NUDT3: variants seen among roughly 807,000 people sequenced by gnomAD.
NUDT3 encodes the protein diphosphoinositol polyphosphate phosphohydrolase 1.
A neutral mutation model predicts 23.6 loss-of-function variants in NUDT3; 9 were observed. That is an observed-to-expected ratio of 0.38 (90% CI 0.23 to 0.66). The LOEUF (loss-of-function observed/expected upper bound fraction) is 0.66. Among genes scored for constraint, NUDT3 ranks in the 30% least tolerant of loss-of-function variants. The probability of loss-of-function intolerance (pLI) is 0.52; values close to 1 mark genes in which losing one functional copy is unlikely to be tolerated. For missense variants in NUDT3, 172 were observed against 218.5 expected (o/e 0.79, Z 1.34); for synonymous variants, 86 against 82.6 (o/e 1.04, Z -0.22).
At chr6:34,313,186 C>A (rs1156357037) in intron 2 of NUDT3, among the ~76,000 whole-genome samples, 2 of 151,568 alleles carry the variant, frequency 1.3e-5, no homozygotes, top group Non-Finnish European at 2.9e-5. Flanking sequence ...GAAAAAAAAA[C>A]CAGAAAAATA....
At chr6:34,326,557 G>T (rs1188915178) in intron 2 of NUDT3, among the ~76,000 whole-genome samples, 1 of 151,570 alleles carries the variant, frequency 6.6e-6, no homozygotes, top group Non-Finnish European at 1.5e-5. Flanking sequence ...CAAATTAGTT[G>T]CCCACATTGA....
At chr6:34,388,810 G>GT (rs531069738) in intron 1 of NUDT3, among the ~76,000 whole-genome samples, 151 of 152,200 alleles carry the variant, frequency 9.9e-4, no homozygotes, top group South Asian at 5.2e-3. Context: ...TAAAATGGAC[G>GT]TATTTCACTC....
intron 2 of NUDT3, among the ~76,000 whole-genome samples, chr6:34,314,575 A>T (rs948092330): frequency 5.9e-5 from 9 of 151,604 alleles, no homozygotes; most frequent in Non-Finnish European, 1.2e-4. Flanking sequence ...AAAAAAAAAA[A>T]TTAAACCCTA....
intron 1 of NUDT3, 42 bp from the exon 2 acceptor site, chr6:34,342,014 A>G (rs760263828): frequency 1.3e-6 from 2 of 1,568,694 alleles, no homozygotes; most frequent in African/African-American, 2.7e-5. Flanking sequence ...TAAAAATTCA[A>G]AGACACATCC....
chr6:34,314,663 C>T (rs1763831921), intron 2 of NUDT3, among the ~76,000 whole-genome samples: 1 of 151,990 alleles, frequency 6.6e-6, no homozygotes, highest in Admixed American at 6.6e-5. Context: ...TAACTAGCAT[C>T]CTCCTAACAA....
At chr6:34,334,594 G>A (rs921037100) in intron 2 of NUDT3, among the ~76,000 whole-genome samples, 3 of 151,570 alleles carry the variant, frequency 2.0e-5, no homozygotes, top group South Asian at 2.1e-4. Flanking sequence ...AGCCAAGATC[G>A]TGCACTCCAG....
chr6:34,367,418 G>A (rs1764754378), intron 1 of NUDT3, among the ~76,000 whole-genome samples: 2 of 151,576 alleles, frequency 1.3e-5, no homozygotes, highest in Non-Finnish European at 2.9e-5. Context: ...GGAGGCGGAG[G>A]TTGCAGCGAG....
At chr6:34,370,922 G>C (rs1718592152) in intron 1 of NUDT3, among the ~76,000 whole-genome samples, 1 of 151,190 alleles carries the variant, frequency 6.6e-6, no homozygotes, top group African/African-American at 2.4e-5. Flanking sequence ...TAACCAACAT[G>C]GTGAAACTAA....
chr6:34,343,732 CAA>C (rs1764323480), intron 1 of NUDT3, among the ~76,000 whole-genome samples: 4 of 151,880 alleles, frequency 2.6e-5, no homozygotes, highest in Non-Finnish European at 5.9e-5. Flanking sequence ...AAAGGGCAAA[CAA>C]GATAAACTGG....
At chr6:34,331,237 G>C (rs1400546959) in intron 2 of NUDT3, among the ~76,000 whole-genome samples, 2 of 151,838 alleles carry the variant, frequency 1.3e-5, no homozygotes, top group African/African-American at 4.8e-5. Flanking sequence ...GGTGCCATTA[G>C]GAAGGCAACC....
rs552823860 is a variant in NUDT3, at chr6:34,364,511, A to AAAC, written c.100-22542_100-22540dup. On this transcript the variant is annotated intron_variant, in intron 1 of 4. Transcript: ENST00000607016. The stretch of plus-strand genomic sequence containing the variant: ...TGGCCTGCCATGGCCTAGGATATTA[A>AAAC]AACAACAACAACAACAACAACGGAA... Among the ~76,000 whole-genome samples the AAAC allele has an allele frequency of 4.3e-3, 654 of 152,220 alleles. 8 individuals carry two copies. The highest frequency in any genetic ancestry group is 0.014 in the African/African-American group (575 of 41,538).
intron 1 of NUDT3, among the ~76,000 whole-genome samples, chr6:34,347,268 T>TC (rs1764388682): frequency 1.3e-5 from 2 of 152,244 alleles, no homozygotes; most frequent in Non-Finnish European, 2.9e-5. Context: ...CAACAAACGT[T>TC]CATTAAGTAA....
chr6:34,329,304 A>C (rs775433348), intron 2 of NUDT3, among the ~76,000 whole-genome samples: 1 of 151,970 alleles, frequency 6.6e-6, no homozygotes, highest in Non-Finnish European at 1.5e-5. Context: ...TTTTGAGATG[A>C]AGTCTCGCTC....
chr6:34,354,672 G>A (rs1764532122), intron 1 of NUDT3, among the ~76,000 whole-genome samples: 2 of 149,900 alleles, frequency 1.3e-5, no homozygotes, highest in Admixed American at 1.3e-4. Flanking sequence ...GCAGTGAGCT[G>A]AGATGGCACC....
At chr6:34,358,190 T>G (rs368807537) in intron 1 of NUDT3, among the ~76,000 whole-genome samples, 2 of 152,012 alleles carry the variant, frequency 1.3e-5, no homozygotes, top group South Asian at 2.1e-4. Flanking sequence ...CTCTTCTTTT[T>G]CAGAGTTTTA....
intron 2 of NUDT3, among the ~76,000 whole-genome samples, chr6:34,319,647 T>C (rs1763910584): frequency 6.6e-6 from 1 of 152,222 alleles, no homozygotes; most frequent in Non-Finnish European, 1.5e-5. Flanking sequence ...CATGTTGAAA[T>C]GTGATTGAAC....
chr6:34,373,278 C>CA (rs55952536), intron 1 of NUDT3, among the ~76,000 whole-genome samples: 11,547 of 85,848 alleles, frequency 0.13, 1,392 homozygotes, highest in African/African-American at 0.35. Flanking sequence ...GACTCCGTCT[C>CA]AAAAAAAAAA....
At chr6:34,386,236 T>C (rs1051082530) in intron 1 of NUDT3, among the ~76,000 whole-genome samples, 4 of 152,212 alleles carry the variant, frequency 2.6e-5, no homozygotes, top group African/African-American at 7.2e-5. Context: ...CTGTAATAAA[T>C]GTTAGTTACC....
chr6:34,392,274 C>T lies in NUDT3; in HGVS notation c.89G>A (p.Ser30Asn). Residue 30 changes from serine (S) to asparagine (N), a missense_variant, in exon 1 of 5, where the codon AGC (serine) becomes AAC (asparagine). Coordinates refer to ENST00000607016, the MANE Select transcript of NUDT3 (RefSeq NM_006703.4). ...AGCCTGCCGCCTCACCTCCTCCTCG[C>T]TCTCGCTGCGGAAACACAGGCATGC... ...RAACLCFRSE[S>N]EEEVLLVSSS... 3 of 1,599,646 alleles carry T rather than the reference C, an allele frequency of 1.9e-6. No individual in the cohort carries two copies. Among genetic ancestry groups the T allele is most frequent in the Non-Finnish European group, 2.6e-6 (3 of 1,176,238 alleles).
Sources: gnomAD v4.1 joint callset for allele counts (sites outside exome capture counted in the v4.1 genomes callset) on GRCh38, gnomAD v4.1.1 for gene constraint, MANE v1.5 for transcripts, NCBI Gene and HGNC (gene_info 2026-07-23, HGNC 2026-07-21) for gene names.